Variants in KDM4B observed in about 807,000 individuals in gnomAD.
KDM4B encodes the protein lysine-specific demethylase 4B.
KDM4B carries 32 observed loss-of-function variants against 125.2 expected under a neutral mutation model. The ratio of observed to expected loss-of-function variants is 0.26; its 90% CI spans 0.19 to 0.34. KDM4B has a LOEUF of 0.34. KDM4B is among the 10% of genes least tolerant of loss of function. The pLI is 1.00. For synonymous variants in KDM4B, 721 were observed against 677.9 expected, an observed-to-expected ratio of 1.06 and a Z score of -0.99; for missense variants, 1,190 against 1,577.7, an observed-to-expected ratio of 0.75 and a Z score of 4.16.
intron 9 of KDM4B, among the ~76,000 whole-genome samples, chr19:5,105,937 C>T (rs1599196501): frequency 2.6e-5 from 4 of 152,240 alleles, no homozygotes; most frequent in African/African-American, 9.6e-5. Flanking sequence ...ATGGGCCCAC[C>T]TTAGAGGATA....
At chr19:5,151,300 A>G in intron 22 of KDM4B, 35 bp from the exon 23 acceptor site, 1 of 1,446,628 alleles carries the variant, frequency 6.9e-7, no homozygotes, top group Non-Finnish European at 9.2e-7. Context: ...GAGTGTCTCC[A>G]CCGTGCTAAC....
chr19:5,139,989 C>A (rs2039713176), intron 18 of KDM4B, among the ~76,000 whole-genome samples: 1 of 152,216 alleles, frequency 6.6e-6, no homozygotes, highest in African/African-American at 2.4e-5. Context: ...GCTGGCTGTG[C>A]ACTTGGGACA....
intron 2 of KDM4B, among the ~76,000 whole-genome samples, chr19:5,018,204 A>AT (rs1341456329): frequency 6.6e-6 from 1 of 151,876 alleles, no homozygotes. Context: ...CACCTGGCTA[A>AT]TTTTTTTATT....
intron 1 of KDM4B, among the ~76,000 whole-genome samples, chr19:4,983,534 A>G (rs1215592679): frequency 6.6e-6 from 1 of 152,224 alleles, no homozygotes; most frequent in East Asian, 1.9e-4. Context: ...GGAGCACTGA[A>G]CCGTGGACTG....
chr19:5,134,908 C>T (rs1246534740), intron 14 of KDM4B, among the ~76,000 whole-genome samples: 2 of 152,222 alleles, frequency 1.3e-5, no homozygotes, highest in East Asian at 1.9e-4. Flanking sequence ...ACTTGCTGTC[C>T]TTTGTGAGGC....
At chr19:5,056,798 T>C (rs1021696290) in intron 6 of KDM4B, among the ~76,000 whole-genome samples, 1 of 147,852 alleles carries the variant, frequency 6.8e-6, no homozygotes, top group Non-Finnish European at 1.5e-5. Flanking sequence ...ACTCGAGGAG[T>C]GTGGGAGCCC....
chr19:4,999,591 A>G (rs373244434), intron 1 of KDM4B, among the ~76,000 whole-genome samples: 14 of 152,168 alleles, frequency 9.2e-5, no homozygotes, highest in East Asian at 3.8e-4. Context: ...TCTTACACAC[A>G]TGTACATTGT....
intron 6 of KDM4B, among the ~76,000 whole-genome samples, chr19:5,051,112 A>G (rs1418594167): frequency 6.6e-6 from 1 of 152,144 alleles, no homozygotes; most frequent in Non-Finnish European, 1.5e-5. Flanking sequence ...GGCTGAGCGC[A>G]GTGTCGCCAG....
intron 1 of KDM4B, among the ~76,000 whole-genome samples, chr19:4,995,535 T>A (rs2035171932): frequency 6.6e-6 from 1 of 152,234 alleles, no homozygotes; most frequent in Non-Finnish European, 1.5e-5. Context: ...TACCTTGGCC[T>A]CCCAAAGTGC....
intron 10 of KDM4B, among the ~76,000 whole-genome samples, chr19:5,116,338 G>T (rs922094394): frequency 6.6e-6 from 1 of 151,346 alleles, no homozygotes; most frequent in African/African-American, 2.4e-5. Context: ...AAAGGAAAAA[G>T]GCCTTCAAAA....
chr19:5,104,929 G>T (rs1434424884), intron 9 of KDM4B, among the ~76,000 whole-genome samples: 1 of 152,144 alleles, frequency 6.6e-6, no homozygotes, highest in Non-Finnish European at 1.5e-5. Context: ...AGATAACTGG[G>T]GCCATCCCAG....
chr19:5,091,399 G>A (rs533549800), intron 9 of KDM4B, among the ~76,000 whole-genome samples: 24 of 152,232 alleles, frequency 1.6e-4, no homozygotes, highest in Middle Eastern at 3.4e-3. Flanking sequence ...GGGACATCTC[G>A]GGCTCTCTGG....
intron 21 of KDM4B, among the ~76,000 whole-genome samples, chr19:5,146,648 T>C (rs1431221028): frequency 6.6e-6 from 1 of 151,146 alleles, no homozygotes; most frequent in South Asian, 2.1e-4. Context: ...TCAGGTGGGC[T>C]GGGCGCGGTG....
At chr19:5,125,632 A>C (rs1215232076) in intron 11 of KDM4B, among the ~76,000 whole-genome samples, 1 of 152,118 alleles carries the variant, frequency 6.6e-6, no homozygotes, top group African/African-American at 2.4e-5. Context: ...GGCCTGGTGC[A>C]TCTCTGAGGC....
chr19:5,081,443 C>T lies in KDM4B; in HGVS notation c.781-924C>T, dbSNP rs372152980. On this transcript the variant is annotated intron_variant, in intron 8 of 22. Coordinates refer to ENST00000159111, the MANE Select transcript of KDM4B (RefSeq NM_015015.3). The surrounding 1 kb of genome is among the most constrained non-coding windows in gnomAD (Gnocchi z 4.2). ...GGGTTCCTAGGGCACAAGGCTGTAGCCCCCCAGCCCTGGTAGGCAGCCCTG... is the reference window on the plus strand; with the variant it reads ...GGGTTCCTAGGGCACAAGGCTGTAGTCCCCCAGCCCTGGTAGGCAGCCCTG... Among the ~76,000 whole-genome samples, 582 of 151,914 alleles carry T rather than the reference C, an allele frequency of 3.8e-3. 4 individuals carry two copies. Among genetic ancestry groups the T allele is most frequent in the African/African-American group, 0.014 (566 of 41,288 alleles).
intron 1 of KDM4B, among the ~76,000 whole-genome samples, chr19:5,005,522 A>C (rs978681689): frequency 1.3e-5 from 2 of 152,056 alleles, no homozygotes; most frequent in African/African-American, 4.8e-5. Flanking sequence ...TTTACAGATG[A>C]GGAAACTGAG....
In KDM4B at chr19:5,111,678, A is replaced by G. The variant is rs2039149329; in HGVS notation, c.1115+860A>G. 2.3e-5 allele frequency: 17 copies of G among 731,336 alleles called. 1 individual carries two copies. Among genetic ancestry groups the G allele is most frequent in the East Asian group, 2.2e-4 (9 of 40,562 alleles). 45.3% of individuals were successfully genotyped at this position (731,336 alleles called of 1,614,324 possible). A position where few individuals can be genotyped will look rare whatever the true frequency, so the allele number is the denominator to read the frequency against. On this transcript the variant is annotated intron_variant, in intron 10 of 22. Transcript: ENST00000159111. ...AGGAACATTCAGGGAGCCCCTGAGC[A>G]TGAGCTGGAGCCGGGAGGGACGGCA...
intron 10 of KDM4B, chr19:5,111,808 G>A (rs370076937): frequency 6.8e-5 from 52 of 765,202 alleles, no homozygotes; most frequent in African/African-American, 3.2e-4. Context: ...TCTCGACTCC[G>A]CATGGCAACT....
intron 9 of KDM4B, among the ~76,000 whole-genome samples, chr19:5,091,778 C>T (rs984394193): frequency 6.6e-6 from 1 of 152,062 alleles, no homozygotes. Flanking sequence ...GAGGAGGGCC[C>T]ACGGAGGTGC....
Sources: gnomAD v4.1 joint callset for allele counts (sites outside exome capture counted in the v4.1 genomes callset) on GRCh38, gnomAD v4.1.1 for gene constraint, Gnocchi (gnomAD v3.1) non-coding constraint, MANE v1.5 for transcripts, NCBI Gene and HGNC (gene_info 2026-07-23, HGNC 2026-07-21) for gene names.